SLC16A7: variants seen among roughly 807,000 people sequenced by gnomAD.
The protein encoded by SLC16A7 is monocarboxylate transporter 2.
SLC16A7 carries 33 observed loss-of-function variants against 34.9 expected under a neutral mutation model. The observed-to-expected ratio is 0.94, with a 90% CI of 0.72 to 1.26. SLC16A7 has a LOEUF of 1.26. Among genes scored for constraint, SLC16A7 ranks in the 50% most tolerant of loss-of-function variants. SLC16A7 has a pLI of 0.00. For missense variants in SLC16A7, 573 were observed against 578.1 expected, an observed-to-expected ratio of 0.99 and a Z score of 0.09; for synonymous variants, 201 against 206.6, an observed-to-expected ratio of 0.97 and a Z score of 0.23.
chr12:59,642,389 A>G (rs1227121740), intron 1 of SLC16A7, among the ~76,000 whole-genome samples: 1 of 151,958 alleles, frequency 6.6e-6, no homozygotes, highest in East Asian at 1.9e-4. Context: ...AATCATGCAC[A>G]TATTTATTTC....
intron 3 of SLC16A7, among the ~76,000 whole-genome samples, chr12:59,769,983 G>A (rs188544325): frequency 6.6e-6 from 1 of 151,990 alleles, no homozygotes; most frequent in East Asian, 1.9e-4. Flanking sequence ...AAGTACTATG[G>A]AATTTAATCA....
chr12:59,653,965 TTAA>T (rs1317058339), intron 1 of SLC16A7, among the ~76,000 whole-genome samples: 3 of 151,736 alleles, frequency 2.0e-5, no homozygotes, highest in Admixed American at 6.6e-5. Flanking sequence ...TTATATTGGT[TTAA>T]TAATAAGATA....
At chr12:59,667,841 C>T (rs755677371) in intron 2 of SLC16A7, among the ~76,000 whole-genome samples, 47 of 152,286 alleles carry the variant, frequency 3.1e-4, no homozygotes, top group African/African-American at 8.2e-4. Flanking sequence ...GTTTCCCGGA[C>T]GGGGTCCGTG....
rs770776979 is a variant in SLC16A7 at position 59,774,964 on chromosome 12, C to T, written c.669C>T (p.Ile223=). The part of the protein sequence containing the change: ...KTEDDSSPKK[I]KTKKSTWEKV... ...AAGATGATTCAAGCCCAAAGAAAAT[C>T]AAAACGAAGAAATCAACTTGGGAAA... The change falls in exon 5 of 6, where the codon ATC becomes ATT. Residue 223 remains isoleucine, a synonymous_variant. Transcript: ENST00000547379. 1 of 1,613,796 alleles carries T rather than the reference C, an allele frequency of 6.2e-7. No homozygotes were observed. Among genetic ancestry groups the T allele is most frequent in the South Asian group, 1.1e-5 (1 of 91,056 alleles).
At chr12:59,647,369 C>G (rs1868265608) in intron 1 of SLC16A7, among the ~76,000 whole-genome samples, 1 of 152,154 alleles carries the variant, frequency 6.6e-6, no homozygotes, top group Non-Finnish European at 1.5e-5. Context: ...GGGCTTCCCT[C>G]TTCGTTCAGC....
chr12:59,601,362 C>G (rs150841996), intron 1 of SLC16A7, among the ~76,000 whole-genome samples: 130 of 152,200 alleles, frequency 8.5e-4, no homozygotes, highest in African/African-American at 2.9e-3. Context: ...AATAAAACTA[C>G]AAAGCATGCA....
intron 3 of SLC16A7, among the ~76,000 whole-genome samples, chr12:59,745,623 C>A (rs1351785765): frequency 6.6e-6 from 1 of 152,076 alleles, no homozygotes; most frequent in Non-Finnish European, 1.5e-5. Flanking sequence ...AAGTAACATG[C>A]CATAATATAG....
chr12:59,757,462 G>T (rs1001125001), intron 3 of SLC16A7, among the ~76,000 whole-genome samples: 1 of 151,988 alleles, frequency 6.6e-6, no homozygotes, highest in Non-Finnish European at 1.5e-5. Flanking sequence ...CTGACAGAGG[G>T]TTCTAATTAT....
intron 3 of SLC16A7, among the ~76,000 whole-genome samples, chr12:59,729,221 A>C (rs1366691265): frequency 6.6e-6 from 1 of 152,216 alleles, no homozygotes; most frequent in African/African-American, 2.4e-5. Flanking sequence ...GTTAAGGCCT[A>C]TACAATTTAC....
intron 2 of SLC16A7, among the ~76,000 whole-genome samples, chr12:59,692,863 CCT>C (rs1871838916): frequency 6.6e-6 from 1 of 151,902 alleles, no homozygotes. Flanking sequence ...AATAAAATAG[CCT>C]CTCGGGATTA....
chr12:59,734,060 A>G lies in SLC16A7; in HGVS notation c.217+29042A>G, dbSNP rs1458034781. The G allele has an allele frequency of 2.1e-5, 6 of 281,444 alleles. No individual in the cohort carries two copies. In the East Asian group the frequency reaches 5.9e-4, roughly 28 times the overall value. 17.4% of individuals were successfully genotyped at this position (281,444 alleles called of 1,614,324 possible). ...CACTTTGGTCTACAGACTACCCAGA[A>G]CTGACAGTCTGACCCCCAGGCCTCA... On this transcript the variant is annotated intron_variant, in intron 3 of 5. Transcript: ENST00000547379.
chr12:59,751,333 G>C (rs1879523464), intron 3 of SLC16A7, among the ~76,000 whole-genome samples: 1 of 152,202 alleles, frequency 6.6e-6, no homozygotes, highest in Admixed American at 6.5e-5. Flanking sequence ...AAGGGGTCAG[G>C]GAGTTCCCTT....
chr12:59,627,849 G>A (rs1228666019), intron 1 of SLC16A7, among the ~76,000 whole-genome samples: 2 of 150,802 alleles, frequency 1.3e-5, no homozygotes, highest in East Asian at 3.9e-4. Context: ...TTTACCAGCA[G>A]TCCTGTGTGA....
At chr12:59,683,517 A>G (rs571355175) in intron 2 of SLC16A7, among the ~76,000 whole-genome samples, 3 of 152,346 alleles carry the variant, frequency 2.0e-5, no homozygotes, top group South Asian at 2.1e-4. Flanking sequence ...TTCAAGAGCT[A>G]TTAAAGGGAA....
At position 59,780,570 on chromosome 12, in the gene SLC16A7, A is replaced by G. The variant is rs1176617898; in HGVS notation, c.*891A>G. 2 of 152,160 alleles carry G rather than the reference A, an allele frequency of 1.3e-5. No individual in the cohort carries two copies. Among genetic ancestry groups the G allele is most frequent in the African/African-American group, 4.8e-5 (2 of 41,450 alleles). 9.4% of individuals were successfully genotyped at this position (152,160 alleles called of 1,614,324 possible). ...TGCATGACTCTTAACAATGAGTCAC[A>G]TCCATTGATTTTACAGGGATTTTAG... On this transcript the variant is annotated 3_prime_UTR_variant, in exon 6 of 6. Transcript: ENST00000547379.
intron 2 of SLC16A7, among the ~76,000 whole-genome samples, chr12:59,699,526 C>A (rs1872657202): frequency 6.6e-6 from 1 of 151,626 alleles, no homozygotes; most frequent in South Asian, 2.1e-4. Context: ...TTCTATAATT[C>A]CTGTCCAGTA....
chr12:59,732,524 G>C (rs942791086), intron 3 of SLC16A7, among the ~76,000 whole-genome samples: 74 of 152,198 alleles, frequency 4.9e-4, no homozygotes, highest in Non-Finnish European at 6.9e-4. Context: ...GTATATGAGA[G>C]GGTGCTGTGC....
intron 2 of SLC16A7, among the ~76,000 whole-genome samples, chr12:59,676,817 C>T (rs1478086558): frequency 6.6e-6 from 1 of 151,720 alleles, no homozygotes; most frequent in Admixed American, 6.6e-5. Context: ...TTTATACTTT[C>T]TACTTATGCA....
chr12:59,739,999 G>C (rs1361127103), intron 3 of SLC16A7, among the ~76,000 whole-genome samples: 2 of 151,790 alleles, frequency 1.3e-5, no homozygotes, highest in African/African-American at 4.8e-5. Context: ...TAGGTTGCCT[G>C]TTCACTCTGA....
Sources: allele counts gnomAD v4.1 joint callset (sites outside exome capture counted in the v4.1 genomes callset), GRCh38; gene constraint gnomAD v4.1.1; transcripts MANE v1.5; gene names NCBI Gene and HGNC (gene_info 2026-07-23, HGNC 2026-07-21).